Variants in GALNT11 observed in about 807,000 individuals in gnomAD.
GALNT11 encodes the protein polypeptide N-acetylgalactosaminyltransferase 11.
GALNT11 carries 47 observed loss-of-function variants against 72.7 expected under a neutral mutation model. That is an observed-to-expected ratio of 0.65 (90% CI 0.51 to 0.82). GALNT11 has a LOEUF of 0.82. Ranked by LOEUF, GALNT11 falls within the 40% of genes least tolerant of loss-of-function variation. The pLI is 0.00. For missense variants in GALNT11, 677 were observed against 778.4 expected (o/e 0.87, Z 1.55); for synonymous variants, 270 against 286.6 (o/e 0.94, Z 0.58).
intron 1 of GALNT11, among the ~76,000 whole-genome samples, chr7:152,061,552 G>C (rs1165780169): frequency 6.6e-6 from 1 of 152,190 alleles, no homozygotes; most frequent in Non-Finnish European, 1.5e-5. Flanking sequence ...CCTTGGCCAT[G>C]CCTATGTCCT....
intron 1 of GALNT11, among the ~76,000 whole-genome samples, chr7:152,054,584 T>G (rs1349754977): frequency 2.0e-5 from 3 of 151,214 alleles, no homozygotes; most frequent in Non-Finnish European, 4.4e-5. Context: ...TGGTCATGGC[T>G]TACTGCAGCC....
chr7:152,050,236 G>A (rs539072963), intron 1 of GALNT11, among the ~76,000 whole-genome samples: 6 of 152,214 alleles, frequency 3.9e-5, no homozygotes, highest in South Asian at 2.1e-4. Flanking sequence ...AAGCCAGCAC[G>A]TCTCTGAGTC....
intron 1 of GALNT11, chr7:152,074,323 G>A (rs1587176129): frequency 6.6e-6 from 1 of 152,090 alleles, no homozygotes; most frequent in Admixed American, 6.6e-5. Context: ...TCACATAGAG[G>A]TGGGAGGCTA....
chr7:152,043,371 T>G (rs1162378886), intron 1 of GALNT11, among the ~76,000 whole-genome samples: 1 of 152,234 alleles, frequency 6.6e-6, no homozygotes, highest in African/African-American at 2.4e-5. Context: ...ATAAATCTAC[T>G]GCAGCACTAC....
chr7:152,075,889 G>A (rs569288070), intron 1 of GALNT11, among the ~76,000 whole-genome samples: 1 of 151,028 alleles, frequency 6.6e-6, no homozygotes. Context: ...CTGAAACCCC[G>A]TCTCTACTAA....
chr7:152,036,400 G>A (rs1283573982), intron 1 of GALNT11, among the ~76,000 whole-genome samples: 1 of 152,134 alleles, frequency 6.6e-6, no homozygotes, highest in Non-Finnish European at 1.5e-5. Flanking sequence ...TTCTATCCCT[G>A]TTGTTGCAAA....
intron 1 of GALNT11, among the ~76,000 whole-genome samples, chr7:152,057,401 G>A (rs1176510396): frequency 6.6e-6 from 1 of 151,292 alleles, no homozygotes; most frequent in East Asian, 1.9e-4. Flanking sequence ...CTGCCTCCCA[G>A]GTTTGAGCTA....
rs1330118883 is a variant in GALNT11, at chr7:152,094,435, C to T, written c.208C>T (p.Gln70Ter). 1 of 1,614,168 alleles carries T rather than the reference C, an allele frequency of 6.2e-7. No individual in the cohort carries two copies. The highest frequency in any genetic ancestry group is 1.7e-5 in the Admixed American group (1 of 60,016). Residue 70 changes from glutamine (Q) to a stop codon, truncating the protein, a stop_gained, in exon 2 of 12, where the codon CAG becomes TAG. Transcript: ENST00000430044. LOFTEE classifies it high-confidence loss of function. This position sits in a 1 kb window ranked among gnomAD's most constrained non-coding sequence, Gnocchi z 4.3. ...TRGPSRVLEP[Q>*]FKANKIDDVI... is the part of the protein sequence containing the mutation. ...AGGCCCAAGTCGAGTGCTCGAGCCA[C>T]AGTTCAAAGCAAACAAAATTGACGA...
intron 1 of GALNT11, among the ~76,000 whole-genome samples, chr7:152,056,655 A>T (rs1402618196): frequency 6.6e-6 from 1 of 152,210 alleles, no homozygotes; most frequent in African/African-American, 2.4e-5. Flanking sequence ...TAGTTAACAT[A>T]TACAGAGACA....
intron 1 of GALNT11, among the ~76,000 whole-genome samples, chr7:152,056,795 G>A (rs1042361705): frequency 2.6e-5 from 4 of 151,860 alleles, no homozygotes; most frequent in African/African-American, 9.7e-5. Flanking sequence ...GCACCTGGGT[G>A]TCAGGTGTCA....
At chr7:152,046,484 T>C (rs1243075757) in intron 1 of GALNT11, among the ~76,000 whole-genome samples, 4 of 152,160 alleles carry the variant, frequency 2.6e-5, no homozygotes, top group Non-Finnish European at 5.9e-5. Flanking sequence ...GGTGCTCTAG[T>C]ATTGGGTGCG....
intron 10 of GALNT11, 133 bp from the exon 11 acceptor site, chr7:152,120,698 C>T: frequency 1.3e-6 from 1 of 749,036 alleles, no homozygotes; most frequent in South Asian, 1.8e-5. Context: ...TTGAAATCTG[C>T]TTCCCTGTAA....
At chr7:152,035,293 C>T (rs535366999) in intron 1 of GALNT11, among the ~76,000 whole-genome samples, 1 of 152,262 alleles carries the variant, frequency 6.6e-6, no homozygotes, top group East Asian at 1.9e-4. Flanking sequence ...GGAGTTTATA[C>T]TAGAAATGAT....
intron 1 of GALNT11, among the ~76,000 whole-genome samples, chr7:152,087,608 T>C (rs2085732604): frequency 6.6e-6 from 1 of 152,352 alleles, no homozygotes; most frequent in African/African-American, 2.4e-5. Context: ...AATTAATATT[T>C]GTTCAGTTTT....
intron 1 of GALNT11, among the ~76,000 whole-genome samples, chr7:152,053,314 A>T (rs762250122): frequency 1.3e-5 from 2 of 152,182 alleles, no homozygotes; most frequent in Non-Finnish European, 2.9e-5. Context: ...ATCTGTATTC[A>T]TTACTACAGC....
At chr7:152,042,978 TC>T (rs2082938850) in intron 1 of GALNT11, among the ~76,000 whole-genome samples, 1 of 152,198 alleles carries the variant, frequency 6.6e-6, no homozygotes, top group Non-Finnish European at 1.5e-5. Context: ...TAAATTTCTT[TC>T]CCTGAATAGT....
At chr7:152,107,941 T>G (rs1287018510) in intron 5 of GALNT11, 97 bp from the exon 6 acceptor site, 2 of 1,433,586 alleles carry the variant, frequency 1.4e-6, no homozygotes, top group Admixed American at 2.0e-5. Context: ...GGCAGTCGTG[T>G]TTCATGCTGT....
chr7:152,080,898 A>AG (rs2085284345), intron 1 of GALNT11, among the ~76,000 whole-genome samples: 1 of 152,090 alleles, frequency 6.6e-6, no homozygotes, highest in Non-Finnish European at 1.5e-5. Flanking sequence ...TGAACCCAGG[A>AG]GGCAGAGGTT....
intron 1 of GALNT11, among the ~76,000 whole-genome samples, chr7:152,090,380 T>C (rs1197431251): frequency 6.6e-6 from 1 of 152,266 alleles, no homozygotes; most frequent in Non-Finnish European, 1.5e-5. Context: ...TATTCAGTTA[T>C]ATTTTTCTTA....
Sources: gnomAD v4.1 joint callset for allele counts (sites outside exome capture counted in the v4.1 genomes callset) on GRCh38, gnomAD v4.1.1 for gene constraint, Gnocchi (gnomAD v3.1) non-coding constraint, MANE v1.5 for transcripts, NCBI Gene and HGNC (gene_info 2026-07-23, HGNC 2026-07-21) for gene names.